Variants in ZAP70 observed in about 807,000 individuals in gnomAD.
ZAP70 encodes the protein zeta chain of T cell receptor associated protein kinase 70.
In ZAP70, 27 loss-of-function variants were observed where a neutral mutation model predicts 65.8. The observed-to-expected ratio is 0.41, with a 90% CI of 0.30 to 0.57. ZAP70 has a LOEUF of 0.57. Among genes scored for constraint, ZAP70 ranks in the 20% least tolerant of loss-of-function variants. The probability of loss-of-function intolerance (pLI) is 0.28; values close to 1 mark genes in which losing one functional copy is unlikely to be tolerated. For synonymous variants in ZAP70, 363 were observed against 360.8 expected (o/e 1.01, Z -0.07); for missense variants, 696 against 870.5 (o/e 0.80, Z 2.52).
At chr2:97,754,432 CTCTG>C in the ZAP70 span, among the ~76,000 whole-genome samples, 14 of 151,948 alleles carry the variant, frequency 9.2e-5, no homozygotes, top group South Asian at 4.2e-4. Context: ...TGGAGTCTTG[CTCTG>C]TCTGTCTCCA....
chr2:97,715,525 G>A lies in ZAP70; in HGVS notation c.-22+1531G>A, dbSNP rs565054091. On this transcript the variant is annotated intron_variant, in intron 2 of 13. Coordinates refer to ENST00000264972, the MANE Select transcript of ZAP70 (RefSeq NM_001079.4). This position sits in a 1 kb window ranked among gnomAD's most constrained non-coding sequence, Gnocchi z 4.1. ...CGGAGTTGGGGGCCTCACTGGAGGGGCGGTGGAAGGGCATTGTTCAATCAA... is the reference window on the plus strand; with the variant it reads ...CGGAGTTGGGGGCCTCACTGGAGGGACGGTGGAAGGGCATTGTTCAATCAA... Among the ~76,000 whole-genome samples, 1 of 152,346 alleles carries A rather than the reference G, an allele frequency of 6.6e-6. No individual in the cohort carries two copies. The highest frequency in any genetic ancestry group is 2.1e-4 in the South Asian group (1 of 4,826).
chr2:97,742,075 G>A (rs1224391486), downstream of ZAP70, among the ~76,000 whole-genome samples: 2 of 152,182 alleles, frequency 1.3e-5, no homozygotes, highest in Admixed American at 6.5e-5. Context: ...TGTCCTTCTG[G>A]AAACAAAGAG....
intron 3 of ZAP70, 135 bp from the exon 4 acceptor site, chr2:97,724,957 C>G: frequency 6.5e-7 from 1 of 1,535,968 alleles, no homozygotes; most frequent in Non-Finnish European, 8.7e-7. Flanking sequence ...GGAGGTAGTC[C>G]TCGAAAACCT....
rs201189274 is a variant in ZAP70 at position 97,739,366 on chromosome 2, G to T, written c.1737-9G>T. 6.2e-7 allele frequency: 1 copy of T among 1,613,182 alleles called. No individual in the cohort carries two copies. Among genetic ancestry groups the T allele is most frequent in the Admixed American group, 1.7e-5 (1 of 60,016 alleles). ...GGTCAGCAGCCTGGATGTACCCCAC[G>T]CCCCACAGGTGGGAGGATCGCCCCG... On this transcript the variant is annotated splice_polypyrimidine_tract_variant and intron_variant, in intron 13 of 13. Coordinates refer to ENST00000264972, the MANE Select transcript of ZAP70 (RefSeq NM_001079.4).
downstream of ZAP70, among the ~76,000 whole-genome samples, chr2:97,742,643 GT>G (rs1678159242): frequency 6.6e-6 from 1 of 152,234 alleles, no homozygotes; most frequent in Non-Finnish European, 1.5e-5. Context: ...CTTGTCTGAG[GT>G]ATCTCTGAGC....
At chr2:97,740,911 A>G (rs1184097235), downstream of ZAP70, among the ~76,000 whole-genome samples, 1 of 152,210 alleles carries the variant, frequency 6.6e-6, no homozygotes, top group Non-Finnish European at 1.5e-5. Flanking sequence ...TTTGAGAGAT[A>G]AAAGTGGGAC....
Position 97,734,757 on chromosome 2 carries a change from G to C in ZAP70, c.1082+45G>C, listed in dbSNP as rs55764292. On this transcript the variant is annotated intron_variant, in intron 9 of 13. Coordinates refer to ENST00000264972, the MANE Select transcript of ZAP70 (RefSeq NM_001079.4). ...GGTGGGAGCACCGCCGCCTGGGGCA[G>C]AGGGGAGTGGCTTCACCGGGCTGTG... 9.7e-4 allele frequency: 1,553 copies of C among 1,607,462 alleles called. 33 individuals carry two copies. The East Asian group carries it at 0.019, about 19-fold the overall frequency.
At chr2:97,754,591 CG>C in the ZAP70 span, among the ~76,000 whole-genome samples, 1 of 152,038 alleles carries the variant, frequency 6.6e-6, no homozygotes, top group African/African-American at 2.4e-5. Flanking sequence ...TTAGTAGAGA[CG>C]GGATTTCACC....
rs200597604 is a variant in ZAP70 at position 97,735,239 on chromosome 2, G to A, written c.1083-11G>A. ...CCTCGCCCACGTGCCTCCCGTGGCC[G>A]GGTCGGGCAGGAAGCAGATCGACGT... On this transcript the variant is annotated splice_polypyrimidine_tract_variant and intron_variant, in intron 9 of 13. Transcript: ENST00000264972. The A allele has an allele frequency of 1.4e-5, 22 of 1,613,598 alleles. No individual in the cohort carries two copies. The highest frequency in any genetic ancestry group is 1.9e-5 in the Non-Finnish European group (22 of 1,179,918).
At chr2:97,738,402 A>C (rs746617638) in intron 13 of ZAP70, 4 of 472,900 alleles carry the variant, frequency 8.5e-6, no homozygotes, top group African/African-American at 3.9e-5. Flanking sequence ...ACAGGTCCAT[A>C]CTCTGCTACT....
At chr2:97,724,871 T>G in intron 3 of ZAP70, 1 of 1,529,152 alleles carries the variant, frequency 6.5e-7, no homozygotes, top group Non-Finnish European at 8.7e-7. Context: ...AAGCTGGAGA[T>G]GCGCTTGGGG....
intron 8 of ZAP70, 174 bp from the exon 9 acceptor site, chr2:97,734,346 A>G: frequency 4.2e-6 from 6 of 1,428,230 alleles, no homozygotes; most frequent in Non-Finnish European, 5.5e-6. Context: ...TGTGGCCAGG[A>G]GTGTATGCCA....
At chr2:97,749,422 G>C in the ZAP70 span, among the ~76,000 whole-genome samples, 1 of 152,210 alleles carries the variant, frequency 6.6e-6, no homozygotes, top group South Asian at 2.1e-4. Context: ...ATAGAGCAGG[G>C]ACAAGGGAAT....
intron 4 of ZAP70, 54 bp downstream of exon 4, chr2:97,725,306 A>T: frequency 6.2e-7 from 1 of 1,601,158 alleles, no homozygotes; most frequent in South Asian, 1.1e-5. Context: ...GTTGGCAGGG[A>T]TCCTGGGGAC....
At chr2:97,721,833 T>G (rs1480904613) in intron 2 of ZAP70, among the ~76,000 whole-genome samples, 1 of 151,212 alleles carries the variant, frequency 6.6e-6, no homozygotes, top group Non-Finnish European at 1.5e-5. Flanking sequence ...CCAGCTGGAG[T>G]GCAGTGGCAG....
At chr2:97,724,498 G>C (rs1256149508) in intron 3 of ZAP70, 60 bp downstream of exon 3, 10 of 1,504,430 alleles carry the variant, frequency 6.6e-6, no homozygotes, top group Non-Finnish European at 6.2e-6. Flanking sequence ...GGGCAGTCGA[G>C]GGTTTTGGGG....
chr2:97,754,554 C>T, the ZAP70 span, among the ~76,000 whole-genome samples: 5 of 152,086 alleles, frequency 3.3e-5, no homozygotes, highest in Non-Finnish European at 5.9e-5. Flanking sequence ...AGATGCACAG[C>T]ACCACCCCCA....
At chr2:97,744,363 G>A (rs557955343), downstream of ZAP70, among the ~76,000 whole-genome samples, 7 of 152,274 alleles carry the variant, frequency 4.6e-5, no homozygotes, top group East Asian at 5.8e-4. Flanking sequence ...AGATTAGCTC[G>A]GTATAATATG....
At position 97,736,493 on chromosome 2, in the gene ZAP70, C is replaced by T. The variant is rs957757566; in HGVS notation, c.1290-980C>T. On this transcript the variant is annotated intron_variant, in intron 10 of 13. Transcript: ENST00000264972. This position sits in a 1 kb window ranked among gnomAD's most constrained non-coding sequence, Gnocchi z 4.0. ...GTTAGTAGCACTTGGGATTCATTAG[C>T]GAATAAACAAGGCAGAGATCCATGC... Among the ~76,000 whole-genome samples, 2 of 152,106 alleles carry T rather than the reference C, an allele frequency of 1.3e-5. No homozygotes were observed. Among genetic ancestry groups the T allele is most frequent in the African/African-American group, 4.8e-5 (2 of 41,402 alleles).
Sources: allele counts gnomAD v4.1 joint callset (sites outside exome capture counted in the v4.1 genomes callset), GRCh38; gene constraint gnomAD v4.1.1; non-coding constraint Gnocchi (gnomAD v3.1); transcripts MANE v1.5; gene names NCBI Gene and HGNC (gene_info 2026-07-23, HGNC 2026-07-21).